DPP6: variants seen among roughly 807,000 people sequenced by gnomAD.
DPP6 encodes the protein dipeptidyl peptidase like 6, also known as A-type potassium channel modulatory protein DPP6.
A neutral mutation model predicts 122.6 loss-of-function variants in DPP6; 69 were observed. The observed-to-expected ratio is 0.56, with a 90% confidence interval of 0.46 to 0.69. The LOEUF is 0.69. Ranked by LOEUF, DPP6 falls within the 30% of genes least tolerant of loss-of-function variation. DPP6 has a pLI of 0.00. For synonymous variants in DPP6, 418 were observed against 433.1 expected, an observed-to-expected ratio of 0.97 and a Z score of 0.43; for missense variants, 928 against 1,116.9, an observed-to-expected ratio of 0.83 and a Z score of 2.41.
chr7:154,028,541 C>G (rs1799064981), intron 1 of DPP6, among the ~76,000 whole-genome samples: 1 of 151,682 alleles, frequency 6.6e-6, no homozygotes, highest in African/African-American at 2.4e-5. Context: ...CATGCTCCCC[C>G]TGCATCCTCC....
intron 1 of DPP6, among the ~76,000 whole-genome samples, chr7:154,390,579 A>G (rs1229208224): frequency 6.6e-6 from 1 of 152,164 alleles, no homozygotes; most frequent in Non-Finnish European, 1.5e-5. Flanking sequence ...ATGGGTAAGA[A>G]GCAATCATTT....
the DPP6 span, among the ~76,000 whole-genome samples, chr7:153,786,878 T>C: frequency 6.9e-6 from 1 of 145,822 alleles, no homozygotes; most frequent in Non-Finnish European, 1.5e-5. Flanking sequence ...AGTAAAAAAA[T>C]GGCAAACATT....
At chr7:153,919,317 TC>T (rs1800524659) in intron 1 of DPP6, among the ~76,000 whole-genome samples, 1 of 152,134 alleles carries the variant, frequency 6.6e-6, no homozygotes, top group Non-Finnish European at 1.5e-5. Flanking sequence ...TCATGCAGCC[TC>T]CTGGGGCACC....
At chr7:153,870,656 A>C in the DPP6 span, among the ~76,000 whole-genome samples, 2 of 152,222 alleles carry the variant, frequency 1.3e-5, no homozygotes, top group Non-Finnish European at 2.9e-5. Context: ...AACTTGTCAA[A>C]GTCATTCTCC....
At chr7:154,856,521 G>A (rs531742412) in intron 17 of DPP6, among the ~76,000 whole-genome samples, 3 of 152,284 alleles carry the variant, frequency 2.0e-5, no homozygotes, top group Non-Finnish European at 2.9e-5. Flanking sequence ...GCAATTCTTC[G>A]GAAGAGAGTC....
the DPP6 span, among the ~76,000 whole-genome samples, chr7:153,788,919 C>T: frequency 1.3e-5 from 2 of 150,872 alleles, no homozygotes; most frequent in African/African-American, 4.9e-5. Flanking sequence ...GAGATGAGAT[C>T]GTGCCTCTGT....
chr7:154,066,606 G>A (rs1259406770), intron 1 of DPP6, among the ~76,000 whole-genome samples: 4 of 152,022 alleles, frequency 2.6e-5, no homozygotes, highest in Non-Finnish European at 5.9e-5. Context: ...GACCTTCAAG[G>A]GTGCTAGAGT....
chr7:154,152,076 C>T (rs1796452876), intron 1 of DPP6, among the ~76,000 whole-genome samples: 2 of 151,132 alleles, frequency 1.3e-5, no homozygotes, highest in African/African-American at 4.9e-5. Flanking sequence ...CTGTTGGACT[C>T]TTTTATGCCT....
At chr7:154,178,157 C>G (rs540755358) in intron 1 of DPP6, among the ~76,000 whole-genome samples, 2 of 152,196 alleles carry the variant, frequency 1.3e-5, no homozygotes, top group Non-Finnish European at 2.9e-5. Context: ...GGAAGTTACT[C>G]ATTTCTGTTC....
chr7:153,889,438 G>A (rs963196175), intron 1 of DPP6, among the ~76,000 whole-genome samples: 1 of 152,170 alleles, frequency 6.6e-6, no homozygotes, highest in African/African-American at 2.4e-5. Context: ...TTAGGGCTGA[G>A]GCTGAAGTTA....
intron 1 of DPP6, among the ~76,000 whole-genome samples, chr7:154,276,639 C>T (rs1164093469): frequency 6.6e-6 from 1 of 152,124 alleles, no homozygotes; most frequent in African/African-American, 2.4e-5. Flanking sequence ...TGATGGTGAG[C>T]CCTGGAGATG....
intron 1 of DPP6, among the ~76,000 whole-genome samples, chr7:154,421,900 G>A (rs1198616379): frequency 6.6e-6 from 1 of 152,220 alleles, no homozygotes; most frequent in African/African-American, 2.4e-5. Flanking sequence ...TTTATTTAAT[G>A]ATTGAAAAGC....
chr7:153,852,935 A>C, the DPP6 span, among the ~76,000 whole-genome samples: 3 of 152,156 alleles, frequency 2.0e-5, no homozygotes, highest in African/African-American at 7.2e-5. Context: ...GAGAACGGAC[A>C]AGCTATGAAG....
At chr7:154,603,406 C>T (rs1311869589) in intron 5 of DPP6, among the ~76,000 whole-genome samples, 1 of 118,050 alleles carries the variant, frequency 8.5e-6, no homozygotes, top group African/African-American at 2.7e-5. Flanking sequence ...GTGGTTCATG[C>T]CTGTAATCCC....
chr7:154,487,630 C>T (rs993794850), intron 3 of DPP6, among the ~76,000 whole-genome samples: 1 of 152,202 alleles, frequency 6.6e-6, no homozygotes, highest in Non-Finnish European at 1.5e-5. Context: ...GATTCTGCCG[C>T]GTCCTCTTTT....
intron 1 of DPP6, chr7:154,305,335 T>TTGGGGGCC: frequency 9.8e-7 from 1 of 1,024,752 alleles, no homozygotes. Context: ...TCGTCTTGTC[T>TTGGGGGCC]ACCCACCCTC....
chr7:153,808,704 C>G, the DPP6 span, among the ~76,000 whole-genome samples: 1 of 151,900 alleles, frequency 6.6e-6, no homozygotes, highest in Non-Finnish European at 1.5e-5. Context: ...GTATAATGTT[C>G]GTATTCTTGT....
At chr7:153,997,239 C>T (rs1484387908) in intron 1 of DPP6, among the ~76,000 whole-genome samples, 1 of 152,142 alleles carries the variant, frequency 6.6e-6, no homozygotes, top group Non-Finnish European at 1.5e-5. Flanking sequence ...GATCTTCACT[C>T]CACTCCCCAC....
chr7:153,973,632 C>CGTGTGTGT (rs773321136), intron 1 of DPP6, among the ~76,000 whole-genome samples: 234 of 113,466 alleles, frequency 2.1e-3, no homozygotes, highest in African/African-American at 4.9e-3. Flanking sequence ...CACCATCGCT[C>CGTGTGTGT]GTGTGTGTGT....
Sources: gnomAD v4.1 joint callset for allele counts (sites outside exome capture counted in the v4.1 genomes callset) on GRCh38, gnomAD v4.1.1 for gene constraint, MANE v1.5 for transcripts, NCBI Gene and HGNC (gene_info 2026-07-23, HGNC 2026-07-21) for gene names.